The following CCBE1 variants were observed in gnomAD, a reference collection of about 807,000 sequenced individuals.
The protein encoded by CCBE1 is collagen and calcium binding EGF domains 1, also known as collagen and calcium-binding EGF domain-containing protein 1.
A neutral mutation model predicts 50.0 loss-of-function variants in CCBE1; 37 were observed. That is an observed-to-expected ratio of 0.74 (90% CI 0.57 to 0.97). The LOEUF (loss-of-function observed/expected upper bound fraction) is 0.97, where lower values mean the gene tolerates loss of function less well. Ranked by LOEUF, CCBE1 falls within the 50% of genes least tolerant of loss-of-function variation. The pLI is 0.00. For synonymous variants in CCBE1, 234 were observed against 203.7 expected (o/e 1.15, Z -1.27); for missense variants, 538 against 523.8 (o/e 1.03, Z -0.26).
chr18:59,529,965 G>C (rs769470375), intron 2 of CCBE1, among the ~76,000 whole-genome samples: 33 of 152,126 alleles, frequency 2.2e-4, no homozygotes, highest in African/African-American at 7.2e-4. Flanking sequence ...CAACTTGAAG[G>C]GCTCATTAAA....
intron 2 of CCBE1, among the ~76,000 whole-genome samples, chr18:59,678,162 G>T (rs1315215779): frequency 1.3e-5 from 2 of 152,180 alleles, no homozygotes; most frequent in African/African-American, 4.8e-5. Flanking sequence ...TCCTACCATA[G>T]AAGGAGGGGG....
intron 1 of CCBE1, 107 bp from the exon 2 acceptor site, chr18:59,696,816 C>T: frequency 2.4e-6 from 3 of 1,251,886 alleles, no homozygotes; most frequent in African/African-American, 1.5e-5. Flanking sequence ...CTCCCCGTCC[C>T]GGCGCTCTGG....
intron 2 of CCBE1, among the ~76,000 whole-genome samples, chr18:59,604,463 A>G (rs2053470715): frequency 6.6e-6 from 1 of 152,230 alleles, no homozygotes; most frequent in African/African-American, 2.4e-5. Context: ...GAGGGTCTCA[A>G]ACTGGCCCTC....
At chr18:59,653,541 C>G (rs191990554) in intron 2 of CCBE1, among the ~76,000 whole-genome samples, 5 of 152,282 alleles carry the variant, frequency 3.3e-5, no homozygotes, top group African/African-American at 1.2e-4. Context: ...TTTTTTCCCC[C>G]ACAACAACCC....
chr18:59,695,006 G>A (rs2054785524), intron 2 of CCBE1, among the ~76,000 whole-genome samples: 3 of 152,126 alleles, frequency 2.0e-5, no homozygotes, highest in South Asian at 2.1e-4. Context: ...TGTTCAAAGA[G>A]TATAAAAGAA....
rs1910338084 is a variant in CCBE1 at position 59,439,830 on chromosome 18, A to G, written c.776-14T>C. 1 of 1,612,886 alleles carries G rather than the reference A, an allele frequency of 6.2e-7. No homozygotes were observed. Among genetic ancestry groups the G allele is most frequent in the African/African-American group, 1.3e-5 (1 of 74,998 alleles). ...GTCCTGGTGAGCCTGTAATCAAAGAACACCTCATTAGCTCACAGCACATGA... is the reference window on the plus strand; with the variant it reads ...GTCCTGGTGAGCCTGTAATCAAAGAGCACCTCATTAGCTCACAGCACATGA... On this transcript the variant is annotated splice_polypyrimidine_tract_variant and intron_variant, in intron 7 of 10. Coordinates refer to ENST00000439986, the MANE Select transcript of CCBE1 (RefSeq NM_133459.4).
At chr18:59,524,306 C>G (rs552347075) in intron 2 of CCBE1, among the ~76,000 whole-genome samples, 1 of 152,270 alleles carries the variant, frequency 6.6e-6, no homozygotes, top group South Asian at 2.1e-4. Flanking sequence ...GGTAACAGAG[C>G]AAGATCCTGT....
intron 2 of CCBE1, among the ~76,000 whole-genome samples, chr18:59,597,017 T>C (rs2053361565): frequency 1.3e-5 from 2 of 152,232 alleles, no homozygotes; most frequent in Non-Finnish European, 2.9e-5. Context: ...AAAAGCAGTA[T>C]ACTTTATTCA....
intron 2 of CCBE1, among the ~76,000 whole-genome samples, chr18:59,519,255 C>T (rs1914499712): frequency 6.6e-6 from 1 of 152,152 alleles, no homozygotes; most frequent in Admixed American, 6.5e-5. Flanking sequence ...TTAGCCCACT[C>T]CTGGAGTTTC....
intron 2 of CCBE1, among the ~76,000 whole-genome samples, chr18:59,514,539 G>A (rs575874970): frequency 1.5e-4 from 23 of 151,592 alleles, no homozygotes; most frequent in Non-Finnish European, 2.5e-4. Flanking sequence ...AGCCCTGTGC[G>A]TGTGAGGGTA....
intron 2 of CCBE1, among the ~76,000 whole-genome samples, chr18:59,542,279 T>TACATGC (rs1555690084): frequency 2.6e-5 from 4 of 151,828 alleles, no homozygotes; most frequent in Non-Finnish European, 1.5e-5. Flanking sequence ...GGTAGAAATC[T>TACATGC]TAATAAATTC....
chr18:59,618,187 GC>G lies in CCBE1; in HGVS notation c.212+78441del, dbSNP rs1231987728. The stretch of plus-strand genomic sequence containing the variant: ...ACTTGAGCTGAGAGCGGTGGCTCAT[GC>G]CTGCAACCCCAGCTACTTGGGAGGC... On this transcript the variant is annotated intron_variant, in intron 2 of 10. Transcript: ENST00000439986. Among the ~76,000 whole-genome samples the G allele has an allele frequency of 2.0e-5, 3 of 152,238 alleles. No homozygotes were observed. In the East Asian group the frequency reaches 5.8e-4, roughly 29 times the overall value.
chr18:59,629,842 G>A (rs1450225014), intron 2 of CCBE1, among the ~76,000 whole-genome samples: 1 of 152,142 alleles, frequency 6.6e-6, no homozygotes, highest in Non-Finnish European at 1.5e-5. Context: ...GAGGTAGCAG[G>A]CGAGCCAGGA....
At chr18:59,478,851 T>C (rs929657587) in intron 3 of CCBE1, among the ~76,000 whole-genome samples, 1 of 152,224 alleles carries the variant, frequency 6.6e-6, no homozygotes, top group Non-Finnish European at 1.5e-5. Context: ...TTACCCATCA[T>C]GCTATAACCA....
chr18:59,608,719 A>C (rs1392891927), intron 2 of CCBE1, among the ~76,000 whole-genome samples: 1 of 152,232 alleles, frequency 6.6e-6, no homozygotes, highest in East Asian at 1.9e-4. Flanking sequence ...TCTCTTGTTC[A>C]TAATCAAGTT....
At chr18:59,510,538 C>T (rs1274168245) in intron 2 of CCBE1, among the ~76,000 whole-genome samples, 1 of 152,130 alleles carries the variant, frequency 6.6e-6, no homozygotes, top group East Asian at 1.9e-4. Context: ...TCTCCTGTCT[C>T]AGCGTCTCAA....
intron 2 of CCBE1, among the ~76,000 whole-genome samples, chr18:59,679,412 A>G (rs975325246): frequency 6.6e-6 from 1 of 152,228 alleles, no homozygotes; most frequent in Non-Finnish European, 1.5e-5. Context: ...TAACATATGA[A>G]CACCCTACAT....
chr18:59,589,790 C>CAAAAAAA (rs752546235), intron 2 of CCBE1, among the ~76,000 whole-genome samples: 3 of 73,104 alleles, frequency 4.1e-5, no homozygotes, highest in Non-Finnish European at 5.3e-5. Flanking sequence ...GACTCCATCT[C>CAAAAAAA]AAAAAAAAAA....
At position 59,432,756 on chromosome 18, in the gene CCBE1, T is replaced by C. The variant is rs1174965237; in HGVS notation, c.*3152A>G. ...TTTCATGAAACCCAGACAATACTAC[T>C]TTCCATTAATTCTTTTAATATATTA... On this transcript the variant is annotated 3_prime_UTR_variant, in exon 11 of 11. Coordinates refer to ENST00000439986, the MANE Select transcript of CCBE1 (RefSeq NM_133459.4). The C allele has an allele frequency of 6.6e-6, 1 of 152,212 alleles. No individual in the cohort carries two copies. Among genetic ancestry groups the C allele is most frequent in the Non-Finnish European group, 1.5e-5 (1 of 68,036 alleles). The allele number at this position is 152,212 out of a possible 1,614,324, so 9.4% of individuals were successfully genotyped here.
Sources: gnomAD v4.1 joint callset for allele counts (sites outside exome capture counted in the v4.1 genomes callset) on GRCh38, gnomAD v4.1.1 for gene constraint, MANE v1.5 for transcripts, NCBI Gene and HGNC (gene_info 2026-07-23, HGNC 2026-07-21) for gene names.